Variants in MDM4 observed in about 807,000 individuals in gnomAD.
The protein encoded by MDM4 is protein Mdm4.
A neutral mutation model predicts 60.2 loss-of-function variants in MDM4; 2 were observed. The observed-to-expected ratio is 0.03, with a 90% confidence interval of 0.01 to 0.10. The LOEUF (loss-of-function observed/expected upper bound fraction) is 0.10. Among genes scored for constraint, MDM4 ranks in the 10% least tolerant of loss-of-function variants. The probability of loss-of-function intolerance (pLI) is 1.00; values close to 1 mark genes in which losing one functional copy is unlikely to be tolerated. For missense variants in MDM4, 447 were observed against 577.5 expected, an observed-to-expected ratio of 0.77 and a Z score of 2.32; for synonymous variants, 202 against 198.1, an observed-to-expected ratio of 1.02 and a Z score of -0.17.
Position 204,556,137 on chromosome 1 carries a change from C to G in MDM4, c.*6455C>G, listed in dbSNP as rs140292176. On this transcript the variant is annotated 3_prime_UTR_variant, in exon 11 of 11. Transcript: ENST00000367182. Reference sequence around the variant, plus strand: ...TCCACCTTTACTGTGTCATTTATATCCCCTTAGTTCCAAAGTTAATTATCT... The same window carrying G: ...TCCACCTTTACTGTGTCATTTATATGCCCTTAGTTCCAAAGTTAATTATCT... The G allele has an allele frequency of 1.1e-4, 24 of 223,320 alleles. No homozygotes were observed. In the East Asian group the frequency reaches 1.4e-3, roughly 13 times the overall value. The allele number at this position is 223,320 out of a possible 1,614,324, so 13.8% of individuals were successfully genotyped here.
intron 7 of MDM4, among the ~76,000 whole-genome samples, chr1:204,541,414 C>T (rs912616287): frequency 2.0e-5 from 3 of 152,170 alleles, no homozygotes; most frequent in East Asian, 3.9e-4. Flanking sequence ...TTGCAGTGAG[C>T]GGAGGTTGCA....
At chr1:204,532,404 AC>A (rs1205366673) in intron 5 of MDM4, 158 bp downstream of exon 5, 1 of 592,804 alleles carries the variant, frequency 1.7e-6, no homozygotes, top group Admixed American at 3.4e-5. Context: ...TATGTTATTA[AC>A]TTTTTACTGA....
At chr1:204,542,733 A>C (rs769185603) in intron 7 of MDM4, 51 bp from the exon 8 acceptor site, 1 of 1,338,444 alleles carries the variant, frequency 7.5e-7, no homozygotes, top group South Asian at 1.4e-5. Flanking sequence ...AGATAGTCTT[A>C]GTTATTACGT....
chr1:204,549,714 C>A lies in MDM4; in HGVS notation c.*32C>A, dbSNP rs4245739. On this transcript the variant is annotated 3_prime_UTR_variant, in exon 11 of 11. Transcript: ENST00000367182. ...TACGAACATAAAAATGCATTTATTC[C>A]GTTCACTTACCACATTATTTGAAAA... The A allele has an allele frequency of 0.75, 907,484 of 1,210,462 alleles. 341,577 individuals carry two copies. Among genetic ancestry groups the A allele is most frequent in the East Asian group, 0.96 (39,963 of 41,494 alleles). The allele number at this position is 1,210,462 out of a possible 1,614,324, so 75.0% of individuals were successfully genotyped here.
At chr1:204,529,417 GCTGACCA>G in intron 3 of MDM4, 1 of 1,363,680 alleles carries the variant, frequency 7.3e-7, no homozygotes, top group South Asian at 1.2e-5. Flanking sequence ...TTTGGAGGTG[GCTGACCA>G]TAGGGGCCCC....
At position 204,527,603 on chromosome 1, in the gene MDM4, A is replaced by G. The variant is rs535231565; in HGVS notation, c.153+1169A>G. On this transcript the variant is annotated intron_variant, in intron 3 of 10. Coordinates refer to ENST00000367182, the MANE Select transcript of MDM4 (RefSeq NM_002393.5). ...GGTTGCGGTGAGCCAAGATTGTGCC[A>G]TTGAACTCCATCCTGGGCAACAAGA... Among the ~76,000 whole-genome samples the G allele has an allele frequency of 1.8e-3, 271 of 150,828 alleles. 1 individual carries two copies. Among genetic ancestry groups the G allele is most frequent in the Non-Finnish European group, 2.9e-3 (198 of 67,800 alleles).
Position 204,557,368 on chromosome 1 carries a change from C to T in MDM4, c.*7686C>T, listed in dbSNP as rs1229217552. ...GTAAATTTGGATAGTACATTCTATCCTGATAAAACCACCTTGCTGTGGTCT... is the reference window on the plus strand; with the variant it reads ...GTAAATTTGGATAGTACATTCTATCTTGATAAAACCACCTTGCTGTGGTCT... On this transcript the variant is annotated 3_prime_UTR_variant, in exon 11 of 11. Coordinates refer to ENST00000367182, the MANE Select transcript of MDM4 (RefSeq NM_002393.5). The T allele has an allele frequency of 5.5e-6, 1 of 182,440 alleles. No individual in the cohort carries two copies. Among genetic ancestry groups the T allele is most frequent in the Non-Finnish European group, 1.2e-5 (1 of 85,700 alleles). 11.3% of individuals were successfully genotyped at this position (182,440 alleles called of 1,614,324 possible). A position where few individuals can be genotyped will look rare whatever the true frequency, so the allele number is the denominator to read the frequency against.
At chr1:204,530,068 G>T (rs4252695) in intron 3 of MDM4, among the ~76,000 whole-genome samples, 40 of 152,230 alleles carry the variant, frequency 2.6e-4, no homozygotes, top group Non-Finnish European at 5.1e-4. Context: ...GTAGAGACAG[G>T]TTTTGCCATG....
chr1:204,549,493 G>A lies in MDM4; in HGVS notation c.1284G>A (p.Glu428=), dbSNP rs1558337917. The part of the protein sequence containing the change: ...SEQRTDTENM[E]DCQNLLKPCS... Reference sequence around the variant, plus strand: ...AGAGAACAGATACAGAAAACATGGAGGATTGCCAGAATCTCTTGAAGCCAT... The same window carrying A: ...AGAGAACAGATACAGAAAACATGGAAGATTGCCAGAATCTCTTGAAGCCAT... The change falls in exon 11 of 11, where the codon GAG becomes GAA. Residue 428 remains glutamate, a synonymous_variant. Coordinates refer to ENST00000367182, the MANE Select transcript of MDM4 (RefSeq NM_002393.5). 3 of 1,610,296 alleles carry A rather than the reference G, an allele frequency of 1.9e-6. No individual in the cohort carries two copies. The highest frequency in any genetic ancestry group is 2.2e-5 in the East Asian group (1 of 44,890).
At chr1:204,522,046 G>A (rs1038550781) in intron 1 of MDM4, among the ~76,000 whole-genome samples, 3 of 152,186 alleles carry the variant, frequency 2.0e-5, no homozygotes, top group African/African-American at 7.2e-5. Context: ...GGGCAGGCTA[G>A]GAGTGGTGGC....
At position 204,542,963 on chromosome 1, in the gene MDM4, G is replaced by A. The variant is rs1359027009; in HGVS notation, c.672+19G>A. On this transcript the variant is annotated intron_variant, in intron 8 of 10. Transcript: ENST00000367182. ...AAATCAGGTAAATTTCACATTTGAAGGGAAGTGGTTTTTTTTCTTTTGAAA... is the reference window on the plus strand; with the variant it reads ...AAATCAGGTAAATTTCACATTTGAAAGGAAGTGGTTTTTTTTCTTTTGAAA... 8 of 1,598,798 alleles carry A rather than the reference G, an allele frequency of 5.0e-6. No homozygotes were observed. Among genetic ancestry groups the A allele is most frequent in the Non-Finnish European group, 5.1e-6 (6 of 1,172,372 alleles).
chr1:204,551,486 T>TTTTTTTTTTTTTTTG lies in MDM4; in HGVS notation c.*1808_*1809insTTTTTTTTTTGTTTT. 1 of 109,748 alleles carries TTTTTTTTTTTTTTTG rather than the reference T, an allele frequency of 9.1e-6. No homozygotes were observed. Among genetic ancestry groups the TTTTTTTTTTTTTTTG allele is most frequent in the African/African-American group, 3.4e-5 (1 of 29,618 alleles). The allele number at this position is 109,748 out of a possible 1,614,324, so 6.8% of individuals were successfully genotyped here. On this transcript the variant is annotated 3_prime_UTR_variant, in exon 11 of 11. Coordinates refer to ENST00000367182, the MANE Select transcript of MDM4 (RefSeq NM_002393.5). ...CTTTTTTTTTTTTTTTTTTTTTTTT[T>TTTTTTTTTTTTTTTG]TTTTGGAGGATAGGGAGTATGGCTG...
chr1:204,527,060 T>C (rs1424967292), intron 3 of MDM4, among the ~76,000 whole-genome samples: 1 of 151,342 alleles, frequency 6.6e-6, no homozygotes, highest in Non-Finnish European at 1.5e-5. Flanking sequence ...TTTGGGAGGC[T>C]GAGGTGGAGG....
Position 204,557,984 on chromosome 1 carries a change from T to G in MDM4, c.*8302T>G, listed in dbSNP as rs1478370038. On this transcript the variant is annotated 3_prime_UTR_variant, in exon 11 of 11. Transcript: ENST00000367182. ...ACTAGATGAGGAAAGAGGAAGGCAT[T>G]TTCTGCATTCTTGCCTAGTTTTCCT... 5.4e-6 allele frequency: 1 copy of G among 185,466 alleles called. No homozygotes were observed. Among genetic ancestry groups the G allele is most frequent in the African/African-American group, 2.3e-5 (1 of 42,602 alleles). 11.5% of individuals were successfully genotyped at this position (185,466 alleles called of 1,614,324 possible). A position where few individuals can be genotyped will look rare whatever the true frequency, so the allele number is the denominator to read the frequency against.
chr1:204,541,138 G>C (rs993608485), intron 7 of MDM4, among the ~76,000 whole-genome samples: 1 of 152,024 alleles, frequency 6.6e-6, no homozygotes, highest in Non-Finnish European at 1.5e-5. Context: ...GCAATTTTAA[G>C]ATATATAAGA....
chr1:204,553,364 TG>T lies in MDM4; in HGVS notation c.*3684del, dbSNP rs1572537593. The T allele has an allele frequency of 4.5e-6, 1 of 223,854 alleles. No individual in the cohort carries two copies. 13.9% of individuals were successfully genotyped at this position (223,854 alleles called of 1,614,324 possible). A position where few individuals can be genotyped will look rare whatever the true frequency, so the allele number is the denominator to read the frequency against. ...CTGTAGTTATTGGGACCATGTGCTC[TG>T]GTTTTCTGGAGACTGCCAAATTGCT... On this transcript the variant is annotated 3_prime_UTR_variant, in exon 11 of 11. Transcript: ENST00000367182.
At chr1:204,520,037 G>A (rs543644711) in intron 1 of MDM4, among the ~76,000 whole-genome samples, 55 of 152,276 alleles carry the variant, frequency 3.6e-4, no homozygotes, top group African/African-American at 1.3e-3. Context: ...CAGCACTTTG[G>A]GAGGCCGAGG....
rs776205366 is a variant in MDM4, at chr1:204,549,430, C to T, written c.1221C>T (p.Ile407=). ...LAHSSESQET[I]SSMGEQLDNL... The stretch of plus-strand genomic sequence containing the variant: ...ACAGTTCTGAAAGCCAAGAGACCAT[C>T]TCAAGCATGGGAGAACAGTTAGATA... The change falls in exon 11 of 11, where the codon ATC becomes ATT. Residue 407 remains isoleucine, a synonymous_variant. Coordinates refer to ENST00000367182, the MANE Select transcript of MDM4 (RefSeq NM_002393.5). The T allele has an allele frequency of 4.3e-6, 7 of 1,612,804 alleles. No individual in the cohort carries two copies. In the Admixed American group the frequency reaches 5.0e-5, roughly 12 times the overall value.
Position 204,532,197 on chromosome 1 carries a change from C to T in MDM4, c.294C>T (p.Leu98=). The change falls in exon 5 of 11, where the codon CTC becomes CTT. Residue 98 remains leucine, a synonymous_variant. Coordinates refer to ENST00000367182, the MANE Select transcript of MDM4 (RefSeq NM_002393.5). ...QSFSVKDPSP[L]YDMLRKNLVT... is the part of the protein sequence containing the mutation. ...TATCTTCTCTCTTTAACAGCCCTCT[C>T]TATGATATGCTAAGAAAGAATCTTG... 2 of 1,595,768 alleles carry T rather than the reference C, an allele frequency of 1.3e-6. No individual in the cohort carries two copies. The highest frequency in any genetic ancestry group is 2.2e-5 in the South Asian group (2 of 90,516).
Sources: gnomAD v4.1 joint callset for allele counts (sites outside exome capture counted in the v4.1 genomes callset) on GRCh38, gnomAD v4.1.1 for gene constraint, MANE v1.5 for transcripts, NCBI Gene and HGNC (gene_info 2026-07-23, HGNC 2026-07-21) for gene names.